The following RALGPS2 variants were observed in gnomAD, a reference collection of about 807,000 sequenced individuals.
The protein encoded by RALGPS2 is ras-specific guanine nucleotide-releasing factor RalGPS2.
Under a neutral mutation model 86.8 loss-of-function variants are expected in RALGPS2, and 43 were observed. The observed-to-expected ratio is 0.50, with a 90% CI of 0.39 to 0.64. The LOEUF (loss-of-function observed/expected upper bound fraction) is 0.64, where lower values mean the gene tolerates loss of function less well. Ranked by LOEUF, RALGPS2 falls within the 30% of genes least tolerant of loss-of-function variation. The pLI is 0.00. For synonymous variants in RALGPS2, 243 were observed against 231.3 expected (o/e 1.05, Z -0.46); for missense variants, 536 against 694.6 (o/e 0.77, Z 2.57).
At chr1:178,878,702 A>G (rs559626876) in intron 9 of RALGPS2, among the ~76,000 whole-genome samples, 200 bp from the exon 10 acceptor site, 2 of 152,302 alleles carry the variant, frequency 1.3e-5, no homozygotes, top group South Asian at 2.1e-4. Context: ...ACAACAATCT[A>G]TACAAACAAT....
chr1:178,906,643 A>G (rs1030167668), intron 18 of RALGPS2, 133 bp from the exon 19 acceptor site: 41 of 645,474 alleles, frequency 6.4e-5, no homozygotes, highest in Admixed American at 2.2e-4. Context: ...AAATACAATA[A>G]AATGGAGGTG....
intron 7 of RALGPS2, among the ~76,000 whole-genome samples, chr1:178,822,227 C>A (rs944611673): frequency 1.3e-5 from 2 of 152,004 alleles, no homozygotes; most frequent in African/African-American, 2.4e-5. Flanking sequence ...ATATTTGGTT[C>A]TATTACTTAT....
At chr1:178,771,477 C>G (rs1416969392) in intron 1 of RALGPS2, among the ~76,000 whole-genome samples, 1 of 152,172 alleles carries the variant, frequency 6.6e-6, no homozygotes, top group Non-Finnish European at 1.5e-5. Flanking sequence ...TCATCACATC[C>G]AGAGGCACAT....
chr1:178,768,828 G>C (rs1467093529), intron 1 of RALGPS2, among the ~76,000 whole-genome samples: 1 of 152,174 alleles, frequency 6.6e-6, no homozygotes, highest in Non-Finnish European at 1.5e-5. Flanking sequence ...AAACCTCCTT[G>C]ACCCCAAGTT....
intron 4 of RALGPS2, among the ~76,000 whole-genome samples, chr1:178,805,764 G>C (rs1275325205): frequency 2.6e-5 from 4 of 151,400 alleles, no homozygotes; most frequent in African/African-American, 9.7e-5. Flanking sequence ...TCCTTCTTTT[G>C]CACATACAGT....
intron 7 of RALGPS2, among the ~76,000 whole-genome samples, chr1:178,822,959 C>T (rs77494162): frequency 0.037 from 5,663 of 152,230 alleles, 132 homozygotes; most frequent in African/African-American, 0.059. Context: ...AACTGGACTA[C>T]AGGCACATGC....
Position 178,844,962 on chromosome 1 carries a change from C to G in RALGPS2, c.607+11412C>G, listed in dbSNP as rs1042956369. On this transcript the variant is annotated intron_variant, in intron 8 of 19. Transcript: ENST00000367635. ...TGGGAGGCTGAGGCAGGTGGATCAC[C>G]TGAGGTCAGGAGTTCGAGACCAGCC... Among the ~76,000 whole-genome samples, 36 of 151,996 alleles carry G rather than the reference C, an allele frequency of 2.4e-4. 1 individual carries two copies. The highest frequency in any genetic ancestry group is 2.5e-4 in the Non-Finnish European group (17 of 67,984).
intron 13 of RALGPS2, 111 bp downstream of exon 13, chr1:178,886,231 A>G: frequency 9.0e-7 from 1 of 1,107,484 alleles, no homozygotes; most frequent in Non-Finnish European, 1.3e-6. Context: ...GGTTAAAAAA[A>G]CAAAGTAGCA....
chr1:178,752,133 AT>A (rs201582341), intron 1 of RALGPS2, among the ~76,000 whole-genome samples: 7,363 of 136,142 alleles, frequency 0.054, 201 homozygotes, highest in Middle Eastern at 0.11. Flanking sequence ...TTGTGTAGTA[AT>A]TTTTTTTTTT....
intron 6 of RALGPS2, among the ~76,000 whole-genome samples, chr1:178,812,050 C>T (rs1471950903): frequency 2.0e-5 from 3 of 152,010 alleles, no homozygotes; most frequent in Admixed American, 1.3e-4. Context: ...GGGTCAAGGC[C>T]GGCAGCGATG....
rs58532139 is a variant in RALGPS2 at position 178,905,236 on chromosome 1, A to G, written c.1631-1540A>G. ...AGCCTCCTTCCCATATCAAAGGCAT[A>G]ATTCACGAAATTACATTTCAAGATG... On this transcript the variant is annotated intron_variant, in intron 18 of 19. Coordinates refer to ENST00000367635, the MANE Select transcript of RALGPS2 (RefSeq NM_152663.5). 3.1e-3 allele frequency among the ~76,000 whole-genome samples: 467 copies of G among 152,348 alleles called. 4 individuals carry two copies. The highest frequency in any genetic ancestry group is 0.01 in the African/African-American group (433 of 41,582).
chr1:178,803,021 T>C (rs1483244300), intron 4 of RALGPS2, among the ~76,000 whole-genome samples: 1 of 152,146 alleles, frequency 6.6e-6, no homozygotes. Flanking sequence ...ACCCATGTTG[T>C]TCAAGGGTCA....
At chr1:178,846,662 T>G (rs1656880927) in intron 8 of RALGPS2, among the ~76,000 whole-genome samples, 2 of 152,194 alleles carry the variant, frequency 1.3e-5, no homozygotes. Flanking sequence ...TCATAGTGTT[T>G]TCTTTAAGTG....
chr1:178,847,318 C>G (rs562612452), intron 8 of RALGPS2, among the ~76,000 whole-genome samples: 1 of 151,964 alleles, frequency 6.6e-6, no homozygotes, highest in African/African-American at 2.4e-5. Context: ...TGGTGGTGGG[C>G]GCCTGTAATC....
At chr1:178,878,235 T>C (rs1423641142) in intron 9 of RALGPS2, among the ~76,000 whole-genome samples, 1 of 152,160 alleles carries the variant, frequency 6.6e-6, no homozygotes, top group African/African-American at 2.4e-5. Context: ...TTTTTTTTAA[T>C]GTTTAAATAC....
chr1:178,791,399 G>T (rs971641799), intron 4 of RALGPS2, among the ~76,000 whole-genome samples: 1 of 151,908 alleles, frequency 6.6e-6, no homozygotes, highest in African/African-American at 2.4e-5. Flanking sequence ...AAAGTGCTGG[G>T]ATCAGTGTGA....
Position 178,902,170 on chromosome 1 carries a change from C to T in RALGPS2, c.1589C>T (p.Pro530Leu). Reference sequence around the variant, plus strand: ...TGGATGGTGATGATGGCTGATGACCCTGAACATCCTGATCTCTTCCTGCTG... The same window carrying T: ...TGGATGGTGATGATGGCTGATGACCTTGAACATCCTGATCTCTTCCTGCTG... ...IGWMVMMADDPEHPDLFLLTD... is the reference protein window; with the variant it reads ...IGWMVMMADDLEHPDLFLLTD... Residue 530 changes from proline to leucine, a missense_variant, in exon 18 of 20, where the codon CCT becomes CTT. Physicochemically the swap from Pro to Leu is moderately conservative, Grantham distance 98. Transcript: ENST00000367635. The T allele has an allele frequency of 1.9e-6, 3 of 1,613,060 alleles. No homozygotes were observed. The highest frequency in any genetic ancestry group is 2.5e-6 in the Non-Finnish European group (3 of 1,179,246).
chr1:178,819,920 T>G (rs970075211), intron 6 of RALGPS2, among the ~76,000 whole-genome samples: 1 of 152,142 alleles, frequency 6.6e-6, no homozygotes, highest in African/African-American at 2.4e-5. Context: ...CAAAATGTAG[T>G]ACACATCCAT....
intron 1 of RALGPS2, among the ~76,000 whole-genome samples, chr1:178,768,338 A>G: frequency 6.6e-6 from 1 of 152,194 alleles, no homozygotes; most frequent in African/African-American, 2.4e-5. Flanking sequence ...ATTTTTGTGC[A>G]GGTAGAATTT....
Sources: gnomAD v4.1 joint callset for allele counts (sites outside exome capture counted in the v4.1 genomes callset) on GRCh38, gnomAD v4.1.1 for gene constraint, MANE v1.5 for transcripts, NCBI Gene and HGNC (gene_info 2026-07-23, HGNC 2026-07-21) for gene names.